SNAP25: variants seen among roughly 807,000 people sequenced by gnomAD.
The protein encoded by SNAP25 is synaptosomal-associated protein 25.
In SNAP25, 3 loss-of-function variants were observed where a neutral mutation model predicts 28.7. That is an observed-to-expected ratio of 0.10 (90% CI 0.05 to 0.27). The LOEUF (loss-of-function observed/expected upper bound fraction) is 0.27. Among genes scored for constraint, SNAP25 ranks in the 10% least tolerant of loss-of-function variants. The pLI is 1.00. For missense variants in SNAP25, 117 were observed against 278.7 expected (o/e 0.42, Z 4.13); for synonymous variants, 61 against 88.1 (o/e 0.69, Z 1.72).
chr20:10,260,715 ACACACACAAAC>A (rs2063397570), intron 1 of SNAP25, among the ~76,000 whole-genome samples: 19 of 149,084 alleles, frequency 1.3e-4, no homozygotes, highest in East Asian at 9.8e-4. Context: ...ACACACACAC[ACACACACAAAC>A]ACACACACAC....
chr20:10,260,689 AC>A, intron 1 of SNAP25, among the ~76,000 whole-genome samples: 1 of 3,034 alleles, frequency 3.3e-4, no homozygotes, highest in African/African-American at 7.8e-4. Context: ...TAGACTCACT[AC>A]ACACACACAC....
intron 1 of SNAP25, among the ~76,000 whole-genome samples, chr20:10,224,286 T>TTTTTTTG (rs2062694313): frequency 7.5e-6 from 1 of 132,948 alleles, no homozygotes; most frequent in African/African-American, 2.9e-5. Flanking sequence ...TTTTTTTTTT[T>TTTTTTTG]TTTTTTGCAG....
chr20:10,299,169 G>C (rs2064178703), intron 6 of SNAP25, 99 bp from the exon 7 acceptor site: 2 of 1,323,440 alleles, frequency 1.5e-6, no homozygotes, highest in African/African-American at 1.5e-5. Context: ...AGATAAAGTT[G>C]ATGCCCAGAG....
rs115753500 is a variant in SNAP25, at chr20:10,275,143, C to T, written c.-63-286C>T. Among the ~76,000 whole-genome samples the T allele has an allele frequency of 0.017, 2,544 of 151,794 alleles. 51 individuals carry two copies. The highest frequency in any genetic ancestry group is 0.041 in the Middle Eastern group (12 of 294). ...ATGATAAAAGTACACTAACCCCAAA[C>T]CACATCCCTCCAACCTCATCATTCC... On this transcript the variant is annotated intron_variant, in intron 1 of 7. Coordinates refer to ENST00000254976, the MANE Select transcript of SNAP25 (RefSeq NM_130811.4).
chr20:10,276,737 A>G (rs576104649), intron 2 of SNAP25, among the ~76,000 whole-genome samples: 22 of 152,364 alleles, frequency 1.4e-4, no homozygotes, highest in South Asian at 2.1e-4. Context: ...TGCGGAATTT[A>G]CAATAAAGAG....
intron 1 of SNAP25, among the ~76,000 whole-genome samples, chr20:10,223,198 G>A (rs1403678639): frequency 6.6e-6 from 1 of 152,130 alleles, no homozygotes; most frequent in Non-Finnish European, 1.5e-5. Flanking sequence ...TTCTTTCCCT[G>A]CCTATTTTGC....
At chr20:10,281,022 G>A (rs568612211) in intron 3 of SNAP25, among the ~76,000 whole-genome samples, 7 of 152,118 alleles carry the variant, frequency 4.6e-5, no homozygotes, top group South Asian at 2.1e-4. Flanking sequence ...ATCTCAGAAC[G>A]GCAAAAGAAA....
chr20:10,238,883 C>T (rs6039787), intron 1 of SNAP25, among the ~76,000 whole-genome samples: 25,467 of 151,440 alleles, frequency 0.17, 4,155 homozygotes, highest in African/African-American at 0.43. Context: ...CCAGCCTGGG[C>T]GACAGAGCAA....
intron 4 of SNAP25, among the ~76,000 whole-genome samples, chr20:10,291,364 C>T (rs1304786007): frequency 6.6e-6 from 1 of 152,160 alleles, no homozygotes; most frequent in Admixed American, 6.5e-5. Context: ...GCATGAGCCA[C>T]CACACCCAGC....
intron 1 of SNAP25, among the ~76,000 whole-genome samples, chr20:10,243,480 G>A (rs548086937): frequency 6.6e-6 from 1 of 152,198 alleles, no homozygotes; most frequent in South Asian, 2.1e-4. Flanking sequence ...TGTCTCCCCT[G>A]TTTTCTTTAG....
chr20:10,303,728 TG>T (rs1234554237), intron 7 of SNAP25, among the ~76,000 whole-genome samples: 3 of 152,190 alleles, frequency 2.0e-5, no homozygotes, highest in African/African-American at 7.2e-5. Flanking sequence ...TCTTCACCTC[TG>T]GTTGCTGATG....
At chr20:10,292,571 T>A (rs2123116584) in intron 4 of SNAP25, among the ~76,000 whole-genome samples, 1 of 152,308 alleles carries the variant, frequency 6.6e-6, no homozygotes, top group African/African-American at 2.4e-5. Context: ...CCCTGTTTTT[T>A]TTTCTCCTGG....
intron 7 of SNAP25, among the ~76,000 whole-genome samples, chr20:10,302,153 G>C (rs999309174): frequency 1.3e-5 from 2 of 152,042 alleles, no homozygotes; most frequent in Non-Finnish European, 2.9e-5. Flanking sequence ...TTGAGCCCAG[G>C]AGTTCCAGGC....
At chr20:10,234,735 T>C (rs1332754383) in intron 1 of SNAP25, among the ~76,000 whole-genome samples, 1 of 152,224 alleles carries the variant, frequency 6.6e-6, no homozygotes, top group Non-Finnish European at 1.5e-5. Flanking sequence ...ATTAGACATA[T>C]AAATTGCACT....
chr20:10,294,268 A>G (rs1366040789), intron 5 of SNAP25, among the ~76,000 whole-genome samples: 6 of 152,174 alleles, frequency 3.9e-5, no homozygotes, highest in Non-Finnish European at 7.3e-5. Context: ...AGCAGATTAT[A>G]TGACCATTCA....
chr20:10,296,044 T>C (rs950757476), intron 5 of SNAP25, among the ~76,000 whole-genome samples: 1 of 152,212 alleles, frequency 6.6e-6, no homozygotes, highest in African/African-American at 2.4e-5. Flanking sequence ...ATGAAGGCTA[T>C]TACTGTCCTG....
At chr20:10,283,576 A>G (rs916635353) in intron 3 of SNAP25, among the ~76,000 whole-genome samples, 5 of 152,140 alleles carry the variant, frequency 3.3e-5, no homozygotes, top group African/African-American at 1.2e-4. Flanking sequence ...CACAGAAATC[A>G]TTTTCAGCAT....
intron 7 of SNAP25, among the ~76,000 whole-genome samples, chr20:10,303,343 T>C (rs186026901): frequency 6.6e-6 from 1 of 152,300 alleles, no homozygotes; most frequent in Admixed American, 6.5e-5. Flanking sequence ...ACTATGTAAA[T>C]ACTGATTTTA....
chr20:10,241,614 C>A (rs2063035388), intron 1 of SNAP25, among the ~76,000 whole-genome samples: 1 of 152,060 alleles, frequency 6.6e-6, no homozygotes, highest in African/African-American at 2.4e-5. Context: ...CAGGGAAGGT[C>A]TCTCCAAGGA....
Sources: allele counts gnomAD v4.1 joint callset (sites outside exome capture counted in the v4.1 genomes callset), GRCh38; gene constraint gnomAD v4.1.1; transcripts MANE v1.5; gene names NCBI Gene and HGNC (gene_info 2026-07-23, HGNC 2026-07-21).